The following KCNJ15 variants were observed in gnomAD, a reference collection of about 807,000 sequenced individuals.
The protein encoded by KCNJ15 is potassium inwardly rectifying channel subfamily J member 15.
In KCNJ15, 14 loss-of-function variants were observed where a neutral mutation model predicts 23.0. That is an observed-to-expected ratio of 0.61 (90% confidence interval 0.40 to 0.95). The LOEUF (loss-of-function observed/expected upper bound fraction) is 0.95, where lower values mean the gene tolerates loss of function less well. Among genes scored for constraint, KCNJ15 ranks in the 40% least tolerant of loss-of-function variants. The pLI is 0.00. For synonymous variants in KCNJ15, 185 were observed against 183.2 expected (o/e 1.01, Z -0.08); for missense variants, 388 against 461.8 (o/e 0.84, Z 1.46).
chr21:38,300,314 C>G lies in KCNJ15; in HGVS notation c.1053C>G (p.Leu351=), dbSNP rs374337596. ...FYCADSEKQQ[L]EEKYRQEDQR... is the part of the protein sequence containing the mutation. The stretch of plus-strand genomic sequence containing the variant: ...GTGCAGATTCTGAGAAACAGCAACT[C>G]GAGGAGAAGTACAGGCAGGAGGATC... The change falls in exon 3 of 3, where the codon CTC becomes CTG. Residue 351 remains leucine (L), a synonymous_variant. Coordinates refer to ENST00000398938, the MANE Select transcript of KCNJ15 (RefSeq NM_170736.3). 1.2e-6 allele frequency: 2 copies of G among 1,613,928 alleles called. No homozygotes were observed. Among genetic ancestry groups the G allele is most frequent in the Non-Finnish European group, 1.7e-6 (2 of 1,179,850 alleles).
chr21:38,279,064 G>A (rs951353593), intron 1 of KCNJ15, among the ~76,000 whole-genome samples: 3 of 152,188 alleles, frequency 2.0e-5, no homozygotes, highest in African/African-American at 7.2e-5. Context: ...GAAAGAAAAT[G>A]TGTGGATCTA....
At chr21:38,293,292 GA>G in intron 1 of KCNJ15, among the ~76,000 whole-genome samples, 1 of 152,120 alleles carries the variant, frequency 6.6e-6, no homozygotes, top group Non-Finnish European at 1.5e-5. Flanking sequence ...GCCATGTGAT[GA>G]TCCCGACACC....
chr21:38,255,972 A>C (rs1457762531), upstream of KCNJ15, among the ~76,000 whole-genome samples: 1 of 152,066 alleles, frequency 6.6e-6, no homozygotes, highest in Non-Finnish European at 1.5e-5. Context: ...GTCTCTTGGC[A>C]TTGCCTTTGG....
At chr21:38,247,373 G>T (rs902813955) in intron 1 of KCNJ15, among the ~76,000 whole-genome samples, 1 of 151,960 alleles carries the variant, frequency 6.6e-6, no homozygotes, top group East Asian at 1.9e-4. Context: ...TGGATGGATG[G>T]ATGGATGAAT....
intron 1 of KCNJ15, chr21:38,296,521 T>C (rs1047394071): frequency 1.3e-5 from 2 of 152,288 alleles, no homozygotes; most frequent in African/African-American, 4.8e-5. Context: ...TAATGTCCTA[T>C]GACTCAACAG....
At chr21:38,294,706 G>A (rs184446202) in intron 1 of KCNJ15, among the ~76,000 whole-genome samples, 69 of 152,318 alleles carry the variant, frequency 4.5e-4, no homozygotes, top group African/African-American at 1.4e-3. Context: ...CACTGGAAGT[G>A]TAGTTCTCCA....
chr21:38,293,413 A>G (rs1419620480), intron 1 of KCNJ15, among the ~76,000 whole-genome samples: 2 of 152,136 alleles, frequency 1.3e-5, no homozygotes, highest in African/African-American at 4.8e-5. Flanking sequence ...CACCCCCGCT[A>G]CGCCCGGGCA....
At chr21:38,230,683 T>A (rs1988708395) in intron 1 of KCNJ15, among the ~76,000 whole-genome samples, 1 of 152,136 alleles carries the variant, frequency 6.6e-6, no homozygotes, top group Non-Finnish European at 1.5e-5. Context: ...GTTTATGACC[T>A]ACCTCAAGTT....
At chr21:38,295,397 G>T (rs1232756258) in intron 1 of KCNJ15, among the ~76,000 whole-genome samples, 2 of 152,160 alleles carry the variant, frequency 1.3e-5, no homozygotes, top group African/African-American at 4.8e-5. Context: ...CAATTCTGAT[G>T]ATTCAGATGA....
intron 1 of KCNJ15, among the ~76,000 whole-genome samples, chr21:38,293,210 C>T (rs1984800076): frequency 6.6e-6 from 1 of 152,030 alleles, no homozygotes; most frequent in Non-Finnish European, 1.5e-5. Context: ...TGGCTCAGTT[C>T]CAAGTTTCCT....
intron 1 of KCNJ15, among the ~76,000 whole-genome samples, chr21:38,233,436 G>C (rs984706898): frequency 3.3e-5 from 5 of 151,974 alleles, no homozygotes; most frequent in Non-Finnish European, 5.9e-5. Flanking sequence ...AATTATTACT[G>C]TGATTGGATA....
At chr21:38,258,220 A>T (rs1271403583) in intron 1 of KCNJ15, among the ~76,000 whole-genome samples, 1 of 152,222 alleles carries the variant, frequency 6.6e-6, no homozygotes, top group Non-Finnish European at 1.5e-5. Flanking sequence ...AACAAATATG[A>T]AACAATCGGT....
chr21:38,276,243 C>A (rs1401038478), intron 1 of KCNJ15, among the ~76,000 whole-genome samples: 1 of 151,858 alleles, frequency 6.6e-6, no homozygotes, highest in Non-Finnish European at 1.5e-5. Flanking sequence ...TTTCAAAGAC[C>A]ACAGTAGTAT....
At chr21:38,245,721 GAGAA>G (rs1018240293) in intron 1 of KCNJ15, among the ~76,000 whole-genome samples, 1 of 151,462 alleles carries the variant, frequency 6.6e-6, no homozygotes, top group Non-Finnish European at 1.5e-5. Context: ...AAGAAAGAGA[GAGAA>G]AGAGAAAGGA....
chr21:38,279,177 G>A (rs543998145), intron 1 of KCNJ15, among the ~76,000 whole-genome samples: 2 of 151,878 alleles, frequency 1.3e-5, no homozygotes, highest in Non-Finnish European at 2.9e-5. Context: ...GGGTCTACGG[G>A]AGGAAGGGAG....
upstream of KCNJ15, among the ~76,000 whole-genome samples, chr21:38,256,358 G>GC (rs1980227955): frequency 1.8e-4 from 8 of 43,360 alleles, no homozygotes; most frequent in African/African-American, 1.0e-3. Flanking sequence ...TGTCTATTCA[G>GC]CTTATATATA....
chr21:38,263,157 G>T (rs987237507), intron 1 of KCNJ15, among the ~76,000 whole-genome samples: 2 of 152,140 alleles, frequency 1.3e-5, no homozygotes, highest in Non-Finnish European at 2.9e-5. Flanking sequence ...GCTTTGAGGA[G>T]GGAAGGGGAG....
intron 1 of KCNJ15, among the ~76,000 whole-genome samples, chr21:38,265,272 C>G (rs143631193): frequency 3.5e-4 from 54 of 152,316 alleles, no homozygotes; most frequent in Middle Eastern, 6.8e-3. Context: ...GGCCACTTTT[C>G]TGTGATTACA....
intron 1 of KCNJ15, among the ~76,000 whole-genome samples, chr21:38,230,786 GT>G (rs1352315061): frequency 1.3e-5 from 2 of 151,970 alleles, no homozygotes; most frequent in Non-Finnish European, 2.9e-5. Context: ...TGATCTATAT[GT>G]TTATCCTTAT....
Sources: gnomAD v4.1 joint callset for allele counts (sites outside exome capture counted in the v4.1 genomes callset) on GRCh38, gnomAD v4.1.1 for gene constraint, MANE v1.5 for transcripts, NCBI Gene and HGNC (gene_info 2026-07-23, HGNC 2026-07-21) for gene names.